The following DNM3 variants were observed in gnomAD, a reference collection of about 807,000 sequenced individuals.
DNM3 encodes dynamin-3.
DNM3 carries 47 observed loss-of-function variants against 101.6 expected under a neutral mutation model. That is an observed-to-expected ratio of 0.46 (90% CI 0.37 to 0.59). The LOEUF (loss-of-function observed/expected upper bound fraction) is 0.59. DNM3 is among the 20% of genes least tolerant of loss of function. DNM3 has a pLI of 0.00. For synonymous variants in DNM3, 385 were observed against 387.9 expected (o/e 0.99, Z 0.09); for missense variants, 849 against 1,085.7 (o/e 0.78, Z 3.06).
intron 4 of DNM3, among the ~76,000 whole-genome samples, chr1:172,025,908 G>T (rs1394918174): frequency 6.6e-6 from 1 of 152,114 alleles, no homozygotes; most frequent in Non-Finnish European, 1.5e-5. Context: ...TCCTCCAAAG[G>T]ATCACAACTC....
intron 17 of DNM3, among the ~76,000 whole-genome samples, chr1:172,372,674 ATTTTTTTTTTTTTTT>A (rs71107346): frequency 5.1e-5 from 4 of 79,006 alleles, no homozygotes; most frequent in African/African-American, 1.6e-4. Flanking sequence ...CTTGTAATTA[ATTTTTTTTTTTTTTT>A]TTTTTTTTTT....
chr1:172,147,627 C>A (rs575478128), intron 14 of DNM3, among the ~76,000 whole-genome samples: 1 of 152,220 alleles, frequency 6.6e-6, no homozygotes, highest in Admixed American at 6.5e-5. Flanking sequence ...TTCTGTGTAC[C>A]TCTAAAGGGG....
rs563416257 is a variant in DNM3 at position 171,886,424 on chromosome 1, A to C, written c.162-35324A>C. Among the ~76,000 whole-genome samples the C allele has an allele frequency of 2.6e-5, 4 of 152,318 alleles. No homozygotes were observed. The South Asian group carries it at 8.3e-4, about 32-fold the overall frequency. ...ATTTAAAATTGTTTTAAGAAGATTC[A>C]GAGAGGGAAAGTTTGAGGCAAAGGG... On this transcript the variant is annotated intron_variant, in intron 1 of 20. Coordinates refer to ENST00000627582, the MANE Select transcript of DNM3 (RefSeq NM_015569.5).
intron 11 of DNM3, among the ~76,000 whole-genome samples, chr1:172,070,340 G>A (rs1212992929): frequency 6.6e-6 from 1 of 152,108 alleles, no homozygotes; most frequent in Admixed American, 6.5e-5. Context: ...CCCCTCCTGG[G>A]CTGAGAAAAC....
intron 14 of DNM3, among the ~76,000 whole-genome samples, chr1:172,241,106 T>C (rs1162852925): frequency 2.0e-5 from 3 of 152,124 alleles, no homozygotes; most frequent in African/African-American, 7.2e-5. Flanking sequence ...TTTTTTCTGT[T>C]CTACTATTTT....
chr1:172,230,027 T>A (rs1371513403), intron 14 of DNM3, among the ~76,000 whole-genome samples: 3 of 152,210 alleles, frequency 2.0e-5, no homozygotes, highest in Non-Finnish European at 4.4e-5. Context: ...AAGGGTTTTA[T>A]TTTTTAATTC....
chr1:172,033,537 A>G (rs1341258206), intron 6 of DNM3, among the ~76,000 whole-genome samples: 1 of 152,130 alleles, frequency 6.6e-6, no homozygotes, highest in Non-Finnish European at 1.5e-5. Context: ...ACATTTTAGC[A>G]TATACTCACT....
intron 15 of DNM3, among the ~76,000 whole-genome samples, chr1:172,302,492 T>C (rs2064512651): frequency 6.6e-6 from 1 of 152,246 alleles, no homozygotes; most frequent in Non-Finnish European, 1.5e-5. Context: ...TAAATGTCCC[T>C]GTCTGACAGC....
intron 1 of DNM3, among the ~76,000 whole-genome samples, chr1:171,859,522 C>T (rs1032834088): frequency 6.6e-6 from 1 of 152,136 alleles, no homozygotes; most frequent in African/African-American, 2.4e-5. Flanking sequence ...TAATGGAGAG[C>T]TTTCAGCCTT....
chr1:172,056,857 G>A (rs1039747663), intron 10 of DNM3, among the ~76,000 whole-genome samples: 2 of 152,008 alleles, frequency 1.3e-5, no homozygotes, highest in Non-Finnish European at 2.9e-5. Flanking sequence ...CGACTTTGAC[G>A]AGCTGAGAGA....
At chr1:172,261,114 T>C (rs2062626957) in intron 15 of DNM3, among the ~76,000 whole-genome samples, 1 of 152,204 alleles carries the variant, frequency 6.6e-6, no homozygotes, top group Non-Finnish European at 1.5e-5. Flanking sequence ...GTCTGACTAG[T>C]AAATTTCTTT....
chr1:171,903,340 A>G (rs1172547410), intron 1 of DNM3, among the ~76,000 whole-genome samples: 1 of 152,180 alleles, frequency 6.6e-6, no homozygotes, highest in Non-Finnish European at 1.5e-5. Flanking sequence ...TTTATCATAG[A>G]TCTTTCCTTT....
At chr1:172,197,608 T>A (rs1320276085) in intron 14 of DNM3, among the ~76,000 whole-genome samples, 1 of 152,114 alleles carries the variant, frequency 6.6e-6, no homozygotes, top group African/African-American at 2.4e-5. Flanking sequence ...GTAAACCTCA[T>A]TATAGATATC....
At position 172,382,993 on chromosome 1, in the gene DNM3, G is replaced by A. The variant is rs573967641; in HGVS notation, c.2058+3811G>A. Among the ~76,000 whole-genome samples the A allele has an allele frequency of 2.2e-3, 337 of 152,162 alleles. 1 individual carries two copies. The highest frequency in any genetic ancestry group is 7.3e-3 in the African/African-American group (302 of 41,530). On this transcript the variant is annotated intron_variant, in intron 18 of 20. Coordinates refer to ENST00000627582, the MANE Select transcript of DNM3 (RefSeq NM_015569.5). ...TCAAAACTTACTGTAACTTTAATGCGTATGAAGTAAAGTGTTATTTTAAAT... is the reference window on the plus strand; with the variant it reads ...TCAAAACTTACTGTAACTTTAATGCATATGAAGTAAAGTGTTATTTTAAAT...
intron 4 of DNM3, among the ~76,000 whole-genome samples, chr1:172,008,923 T>C (rs959156743): frequency 7.2e-6 from 1 of 138,694 alleles, no homozygotes; most frequent in Non-Finnish European, 1.5e-5. Context: ...TTAAATATTA[T>C]ATTAATTAAA....
chr1:172,332,277 G>A (rs1573500708), intron 17 of DNM3, among the ~76,000 whole-genome samples: 2 of 152,254 alleles, frequency 1.3e-5, no homozygotes, highest in South Asian at 4.2e-4. Context: ...ATATTCATCT[G>A]AACATTCATC....
Position 172,354,212 on chromosome 1 carries a change from C to T in DNM3, c.1894-24806C>T, listed in dbSNP as rs566385421. ...AAGGACAAAATGTTGTAGAAAAAACCGGGTTCTTGAGTTCTTGTCTCTTGA... is the reference window on the plus strand; with the variant it reads ...AAGGACAAAATGTTGTAGAAAAAACTGGGTTCTTGAGTTCTTGTCTCTTGA... On this transcript the variant is annotated intron_variant, in intron 17 of 20. Coordinates refer to ENST00000627582, the MANE Select transcript of DNM3 (RefSeq NM_015569.5). Among the ~76,000 whole-genome samples the T allele has an allele frequency of 6.0e-5, 9 of 150,792 alleles. No homozygotes were observed. The South Asian group carries it at 1.3e-3, about 21-fold the overall frequency.
intron 14 of DNM3, chr1:172,137,170 T>C (rs767546599): frequency 3.9e-5 from 6 of 152,262 alleles, no homozygotes; most frequent in Middle Eastern, 3.4e-3. Context: ...TGAACTCTCA[T>C]AGGCAGCATT....
intron 15 of DNM3, chr1:172,289,632 C>A (rs1176694595): frequency 2.0e-5 from 20 of 980,588 alleles, no homozygotes; most frequent in Non-Finnish European, 2.2e-5. Flanking sequence ...TTCCAACTTG[C>A]TCAATTTAAT....
Sources: allele counts gnomAD v4.1 joint callset (sites outside exome capture counted in the v4.1 genomes callset), GRCh38; gene constraint gnomAD v4.1.1; transcripts MANE v1.5; gene names NCBI Gene and HGNC (gene_info 2026-07-23, HGNC 2026-07-21).